Variants in FBXL17 observed in about 807,000 individuals in gnomAD.
FBXL17 encodes F-box/LRR-repeat protein 17.
In FBXL17, 22 loss-of-function variants were observed where a neutral mutation model predicts 66.2. That is an observed-to-expected ratio of 0.33 (90% CI 0.24 to 0.47). The LOEUF (loss-of-function observed/expected upper bound fraction) is 0.47, where lower values mean the gene tolerates loss of function less well. FBXL17 is among the 20% of genes least tolerant of loss of function. FBXL17 has a pLI of 1.00. For missense variants in FBXL17, 878 were observed against 948.2 expected, an observed-to-expected ratio of 0.93 and a Z score of 0.97; for synonymous variants, 474 against 400.5, an observed-to-expected ratio of 1.18 and a Z score of -2.19.
intron 7 of FBXL17, among the ~76,000 whole-genome samples, chr5:108,019,314 C>T (rs1039628629): frequency 6.6e-6 from 1 of 152,128 alleles, no homozygotes; most frequent in East Asian, 1.9e-4. Context: ...TTTACCTTCT[C>T]AATTATCTTC....
At chr5:107,913,242 GA>G (rs577017848) in intron 7 of FBXL17, among the ~76,000 whole-genome samples, 141 of 152,032 alleles carry the variant, frequency 9.3e-4, no homozygotes, top group African/African-American at 3.3e-3. Flanking sequence ...AGGGCAATGA[GA>G]AGGTGGCATT....
At chr5:107,959,676 T>C (rs1219336759) in intron 7 of FBXL17, among the ~76,000 whole-genome samples, 1 of 152,176 alleles carries the variant, frequency 6.6e-6, no homozygotes, top group Non-Finnish European at 1.5e-5. Flanking sequence ...TCTTATAATA[T>C]GGGGACTAAG....
intron 7 of FBXL17, among the ~76,000 whole-genome samples, chr5:107,924,586 C>A (rs1420186748): frequency 6.6e-6 from 1 of 152,140 alleles, no homozygotes; most frequent in Non-Finnish European, 1.5e-5. Flanking sequence ...TTTGAGGCTG[C>A]CCTAGTCTCC....
chr5:107,997,247 A>G (rs990589483), intron 7 of FBXL17, among the ~76,000 whole-genome samples: 2 of 152,190 alleles, frequency 1.3e-5, no homozygotes, highest in African/African-American at 4.8e-5. Context: ...TTATCAGTAT[A>G]ATACTAATAA....
chr5:108,378,336 T>TTTTTG (rs386690909), intron 1 of FBXL17, among the ~76,000 whole-genome samples: 1 of 149,694 alleles, frequency 6.7e-6, no homozygotes. Flanking sequence ...GTTTTTTGTT[T>TTTTTG]TTTTGTTTTG....
At chr5:108,148,821 C>A (rs1308645487) in intron 6 of FBXL17, among the ~76,000 whole-genome samples, 1 of 152,134 alleles carries the variant, frequency 6.6e-6, no homozygotes, top group African/African-American at 2.4e-5. Flanking sequence ...ATGGCTGCCA[C>A]TAAGTGGCAG....
intron 7 of FBXL17, among the ~76,000 whole-genome samples, chr5:107,936,161 C>CT (rs35304983): frequency 0.9 from 136,396 of 152,156 alleles, 61,526 homozygotes; most frequent in African/African-American, 0.96. Context: ...TTGATAGTTT[C>CT]TTTTAGTTTG....
At chr5:108,189,835 G>T (rs1753397414) in intron 5 of FBXL17, among the ~76,000 whole-genome samples, 1 of 152,186 alleles carries the variant, frequency 6.6e-6, no homozygotes. Context: ...GCCTTCTGGG[G>T]ATTGGCCACT....
At chr5:107,862,024 T>G (rs57585211) in intron 8 of FBXL17, among the ~76,000 whole-genome samples, 164 bp from the exon 9 acceptor site, 30,190 of 152,046 alleles carry the variant, frequency 0.2, 3,333 homozygotes, top group East Asian at 0.34. Flanking sequence ...ATGTGTCCCA[T>G]TTCATCTGAC....
intron 7 of FBXL17, among the ~76,000 whole-genome samples, chr5:107,974,517 A>C (rs1752507921): frequency 6.6e-6 from 1 of 152,124 alleles, no homozygotes; most frequent in South Asian, 2.1e-4. Context: ...CCATCAGACA[A>C]TATTTCTTTC....
chr5:108,189,651 A>G (rs1753386702), intron 5 of FBXL17, among the ~76,000 whole-genome samples: 1 of 152,206 alleles, frequency 6.6e-6, no homozygotes, highest in Middle Eastern at 3.2e-3. Flanking sequence ...AAAGAGATTT[A>G]GCAGCTATAA....
At chr5:108,235,248 A>C (rs1355067936) in intron 4 of FBXL17, among the ~76,000 whole-genome samples, 1 of 152,184 alleles carries the variant, frequency 6.6e-6, no homozygotes, top group Non-Finnish European at 1.5e-5. Context: ...ATTTTCCTAG[A>C]CTTCACCCCA....
intron 6 of FBXL17, among the ~76,000 whole-genome samples, chr5:108,095,822 A>G (rs115571333): frequency 1.6e-3 from 249 of 152,286 alleles, no homozygotes; most frequent in African/African-American, 5.7e-3. Context: ...GAACTAGGAA[A>G]TTTTATGAAG....
At chr5:108,265,734 T>C (rs376078210) in intron 4 of FBXL17, among the ~76,000 whole-genome samples, 3 of 152,156 alleles carry the variant, frequency 2.0e-5, no homozygotes, top group African/African-American at 7.2e-5. Context: ...GTTTGAGAAA[T>C]TTATTCTAAA....
intron 6 of FBXL17, among the ~76,000 whole-genome samples, chr5:108,182,442 G>A (rs938599179): frequency 2.0e-5 from 3 of 152,138 alleles, no homozygotes; most frequent in African/African-American, 7.2e-5. Flanking sequence ...GAGTAATTTA[G>A]ATGATACTGC....
At chr5:108,275,352 C>G (rs943755879) in intron 4 of FBXL17, among the ~76,000 whole-genome samples, 1 of 152,134 alleles carries the variant, frequency 6.6e-6, no homozygotes, top group Admixed American at 6.6e-5. Flanking sequence ...TAAAGTCAAA[C>G]CAGTGTATGA....
At chr5:107,942,140 A>C (rs953552924) in intron 7 of FBXL17, among the ~76,000 whole-genome samples, 1 of 152,118 alleles carries the variant, frequency 6.6e-6, no homozygotes, top group Non-Finnish European at 1.5e-5. Context: ...TGTAGGCAAT[A>C]CCAGCACATC....
chr5:108,065,072 A>G (rs935521785), intron 6 of FBXL17, among the ~76,000 whole-genome samples: 2 of 152,122 alleles, frequency 1.3e-5, no homozygotes, highest in Admixed American at 1.3e-4. Flanking sequence ...CTTTCCTTGG[A>G]GGCTACCCTA....
At chr5:108,273,124 A>C (rs1757343699) in intron 4 of FBXL17, among the ~76,000 whole-genome samples, 1 of 152,176 alleles carries the variant, frequency 6.6e-6, no homozygotes, top group Non-Finnish European at 1.5e-5. Flanking sequence ...GGTGTGGGTC[A>C]CAGACATCAA....
Sources: allele counts gnomAD v4.1 joint callset (sites outside exome capture counted in the v4.1 genomes callset), GRCh38; gene constraint gnomAD v4.1.1; transcripts MANE v1.5; gene names NCBI Gene and HGNC (gene_info 2026-07-23, HGNC 2026-07-21).